SGCD: variants seen among roughly 807,000 people sequenced by gnomAD.
SGCD encodes the protein delta-sarcoglycan.
Under a neutral mutation model 36.6 loss-of-function variants are expected in SGCD, and 18 were observed. That is an observed-to-expected ratio of 0.49 (90% CI 0.34 to 0.73). SGCD has a LOEUF of 0.73. SGCD is among the 30% of genes least tolerant of loss of function. SGCD has a pLI of 0.01. For missense variants in SGCD, 387 were observed against 346.7 expected, an observed-to-expected ratio of 1.12 and a Z score of -0.92; for synonymous variants, 133 against 130.6, an observed-to-expected ratio of 1.02 and a Z score of -0.12.
chr5:156,319,307 T>G (rs1767599785), intron 3 of SGCD, among the ~76,000 whole-genome samples: 1 of 152,182 alleles, frequency 6.6e-6, no homozygotes. Context: ...TACAGGAATG[T>G]TTTTCTTCAA....
intron 3 of SGCD, among the ~76,000 whole-genome samples, chr5:156,250,354 G>C (rs1243414945): frequency 1.3e-5 from 2 of 152,134 alleles, no homozygotes; most frequent in African/African-American, 4.8e-5. Context: ...AACCCACAAG[G>C]ATCACTGAAA....
At chr5:156,722,203 T>C (rs1755543992) in intron 7 of SGCD, among the ~76,000 whole-genome samples, 1 of 152,182 alleles carries the variant, frequency 6.6e-6, no homozygotes, top group South Asian at 2.1e-4. Context: ...GTCTCTTTTT[T>C]ATTAAGTAGA....
At chr5:156,121,949 C>G (rs568900039) in intron 2 of SGCD, among the ~76,000 whole-genome samples, 3 of 152,264 alleles carry the variant, frequency 2.0e-5, no homozygotes, top group African/African-American at 7.2e-5. Context: ...CACACATACT[C>G]TTTAGAGTAT....
the SGCD span, among the ~76,000 whole-genome samples, chr5:155,861,215 G>T: frequency 6.6e-6 from 1 of 152,184 alleles, no homozygotes; most frequent in Non-Finnish European, 1.5e-5. Flanking sequence ...ATTATGATTA[G>T]GCTAGTGGCT....
At chr5:156,321,978 CT>C (rs1767685129), upstream of SGCD, among the ~76,000 whole-genome samples, 1 of 152,164 alleles carries the variant, frequency 6.6e-6, no homozygotes, top group Non-Finnish European at 1.5e-5. Flanking sequence ...ATGAACGCCT[CT>C]TTTCAGGCTT....
At chr5:156,183,599 G>T (rs924559246) in intron 3 of SGCD, among the ~76,000 whole-genome samples, 7 of 152,124 alleles carry the variant, frequency 4.6e-5, no homozygotes, top group Non-Finnish European at 7.4e-5. Context: ...GTAGAGACGA[G>T]GTTTCACTGT....
At chr5:156,018,082 C>G (rs978376072) in intron 1 of SGCD, among the ~76,000 whole-genome samples, 1 of 152,094 alleles carries the variant, frequency 6.6e-6, no homozygotes, top group Admixed American at 6.6e-5. Context: ...ATTGCTTGAG[C>G]CTAGGAGGTC....
chr5:155,908,275 C>T (rs1756564088), intron 1 of SGCD, among the ~76,000 whole-genome samples: 1 of 152,214 alleles, frequency 6.6e-6, no homozygotes, highest in South Asian at 2.1e-4. Context: ...GGAATGGAAC[C>T]TGCCAAATCT....
intron 3 of SGCD, among the ~76,000 whole-genome samples, chr5:156,498,640 T>G (rs1343044302): frequency 6.6e-6 from 1 of 152,228 alleles, no homozygotes; most frequent in Non-Finnish European, 1.5e-5. Context: ...ATTGCATGGA[T>G]ATAGAATATT....
intron 3 of SGCD, among the ~76,000 whole-genome samples, chr5:156,412,657 A>G (rs1772822957): frequency 6.6e-6 from 1 of 152,264 alleles, no homozygotes; most frequent in South Asian, 2.1e-4. Context: ...CAAAGAACTT[A>G]GAGATCAAAT....
chr5:156,047,111 A>C (rs1759784821), intron 1 of SGCD, among the ~76,000 whole-genome samples: 1 of 152,136 alleles, frequency 6.6e-6, no homozygotes, highest in Admixed American at 6.5e-5. Flanking sequence ...CAAGGCCCTA[A>C]CTTTCTTCAA....
chr5:156,434,886 G>A (rs1753179441), intron 3 of SGCD, among the ~76,000 whole-genome samples: 1 of 152,148 alleles, frequency 6.6e-6, no homozygotes, highest in Non-Finnish European at 1.5e-5. Context: ...GAGAAAATTG[G>A]CTCAGTCATT....
chr5:156,686,604 A>C (rs1753914299), intron 7 of SGCD, among the ~76,000 whole-genome samples: 1 of 152,194 alleles, frequency 6.6e-6, no homozygotes, highest in African/African-American at 2.4e-5. Context: ...ATAGTACTTG[A>C]TACAAAGCTT....
chr5:156,744,245 C>T (rs1756835182), intron 7 of SGCD, among the ~76,000 whole-genome samples: 1 of 152,182 alleles, frequency 6.6e-6, no homozygotes. Context: ...AAATCCTTCC[C>T]TGAGTTAGCA....
the SGCD span, among the ~76,000 whole-genome samples, chr5:155,809,087 C>T: frequency 2.0e-5 from 3 of 152,304 alleles, no homozygotes; most frequent in Admixed American, 6.5e-5. Context: ...TGATAATTAG[C>T]CAATTCTCTT....
In SGCD at chr5:156,757,585, G is replaced by A; in HGVS notation, c.580G>A (p.Glu194Lys). ...RADPFKELRL[E>K]SPTRSLVMEA... ...ACGATCTTGGGTGTTTTTCAGGTTG[G>A]AGTCCCCAACCCGGTCTCTAGTGAT... Residue 194 changes from glutamate to lysine, a missense_variant, in exon 8 of 9, where the codon GAG becomes AAG. Physicochemically the swap from Glu to Lys is moderately conservative, Grantham distance 56. Coordinates refer to ENST00000337851, the MANE Select transcript of SGCD (RefSeq NM_000337.6). 6.3e-7 allele frequency: 1 copy of A among 1,598,762 alleles called. No homozygotes were observed. The highest frequency in any genetic ancestry group is 8.5e-7 in the Non-Finnish European group (1 of 1,172,110).
chr5:156,765,006 T>C lies in SGCD; in HGVS notation c.*5616T>C, dbSNP rs1349078093. 1.3e-5 allele frequency: 2 copies of C among 152,216 alleles called. No homozygotes were observed. Among genetic ancestry groups the C allele is most frequent in the Non-Finnish European group, 2.9e-5 (2 of 68,042 alleles). The allele number at this position is 152,216 out of a possible 1,614,324, so 9.4% of individuals were successfully genotyped here. Reference sequence around the variant, plus strand: ...GGTTCCAAATGCCTCATTAAGTATGTGGACAGCCTCACTAGTAAGTGAGTG... The same window carrying C: ...GGTTCCAAATGCCTCATTAAGTATGCGGACAGCCTCACTAGTAAGTGAGTG... On this transcript the variant is annotated 3_prime_UTR_variant, in exon 9 of 9. Coordinates refer to ENST00000337851, the MANE Select transcript of SGCD (RefSeq NM_000337.6).
At chr5:155,811,187 C>T in the SGCD span, among the ~76,000 whole-genome samples, 64 of 152,172 alleles carry the variant, frequency 4.2e-4, no homozygotes, top group African/African-American at 1.5e-3. Context: ...ACCAATAGAT[C>T]ATTATGTTTT....
At chr5:155,875,922 T>C (rs1482348952) in intron 1 of SGCD, among the ~76,000 whole-genome samples, 1 of 152,034 alleles carries the variant, frequency 6.6e-6, no homozygotes, top group African/African-American at 2.4e-5. Flanking sequence ...GATGAGCAAA[T>C]AAAAATTGAA....
Sources: allele counts gnomAD v4.1 joint callset (sites outside exome capture counted in the v4.1 genomes callset), GRCh38; gene constraint gnomAD v4.1.1; transcripts MANE v1.5; gene names NCBI Gene and HGNC (gene_info 2026-07-23, HGNC 2026-07-21).